The following PID1 variants were observed in gnomAD, a reference collection of about 807,000 sequenced individuals.
PID1 encodes the protein phosphotyrosine interaction domain containing 1.
Under a neutral mutation model 19.1 loss-of-function variants are expected in PID1, and 10 were observed. The observed-to-expected ratio is 0.52, with a 90% confidence interval of 0.32 to 0.89. The LOEUF is 0.89. Among genes scored for constraint, PID1 ranks in the 40% least tolerant of loss-of-function variants. PID1 has a pLI of 0.03. For synonymous variants in PID1, 130 were observed against 116.0 expected (o/e 1.12, Z -0.78); for missense variants, 248 against 285.3 (o/e 0.87, Z 0.94).
chr2:229,232,077 G>A lies in PID1; in HGVS notation c.30+38937C>T. ...CATGGCACGAAGCCTCTTGTACAAG[G>A]CTTTTCATTCCATTCAAGAGGGGAG... On this transcript the variant is annotated intron_variant, in intron 1 of 2. Transcript: ENST00000392055. 5 of 1,515,272 alleles carry A rather than the reference G, an allele frequency of 3.3e-6. No individual in the cohort carries two copies. The South Asian group carries it at 6.4e-5, about 19-fold the overall frequency. 93.9% of individuals were successfully genotyped at this position (1,515,272 alleles called of 1,614,324 possible). A position where few individuals can be genotyped will look rare whatever the true frequency, so the allele number is the denominator to read the frequency against.
chr2:229,026,145 G>A, intron 2 of PID1, 37 bp from the exon 3 acceptor site: 3 of 1,422,170 alleles, frequency 2.1e-6, no homozygotes, highest in Non-Finnish European at 3.0e-6. Context: ...GGAGGCATCA[G>A]CAGAAGGCTC....
chr2:229,174,508 G>C (rs956929004), intron 1 of PID1, among the ~76,000 whole-genome samples: 1 of 152,160 alleles, frequency 6.6e-6, no homozygotes, highest in Non-Finnish European at 1.5e-5. Flanking sequence ...GAGGACTACA[G>C]ATCTGGGCTT....
rs1166174666 is a variant in PID1 at position 229,039,800 on chromosome 2, GGAATGCAAC to G, written c.178-13701_178-13693del. Among the ~76,000 whole-genome samples, 4 of 152,130 alleles carry G rather than the reference GGAATGCAAC, an allele frequency of 2.6e-5. No homozygotes were observed. In the East Asian group the frequency reaches 7.7e-4, roughly 29 times the overall value. ...AACAGACACTCATATATTGATGGTT[GGAATGCAAC>G]TTAGTACAACCCTTTTGGAAGGGAA... On this transcript the variant is annotated intron_variant, in intron 2 of 2. Coordinates refer to ENST00000392055, the MANE Select transcript of PID1 (RefSeq NM_001100818.2).
At chr2:229,079,387 T>C (rs1256153724) in intron 2 of PID1, among the ~76,000 whole-genome samples, 2 of 152,260 alleles carry the variant, frequency 1.3e-5, no homozygotes, top group Admixed American at 6.5e-5. Context: ...AAAAATAACA[T>C]ATCTATTGAA....
intron 1 of PID1, among the ~76,000 whole-genome samples, chr2:229,237,217 C>A (rs1297984320): frequency 6.6e-6 from 1 of 152,154 alleles, no homozygotes; most frequent in Admixed American, 6.6e-5. Flanking sequence ...AAACTTTATT[C>A]TTTCTGTGAA....
intron 2 of PID1, among the ~76,000 whole-genome samples, chr2:229,068,327 T>A (rs1407836550): frequency 1.3e-5 from 2 of 152,140 alleles, no homozygotes; most frequent in African/African-American, 4.8e-5. Flanking sequence ...AATGCTTGGC[T>A]CATGAGGTTT....
chr2:229,231,626 A>G (rs1692211249), intron 1 of PID1, among the ~76,000 whole-genome samples: 1 of 152,144 alleles, frequency 6.6e-6, no homozygotes, highest in Non-Finnish European at 1.5e-5. Context: ...AGCAGACTCA[A>G]GGCTAAAACC....
At chr2:229,059,227 GTAC>G (rs1461753691) in intron 2 of PID1, among the ~76,000 whole-genome samples, 2 of 152,102 alleles carry the variant, frequency 1.3e-5, no homozygotes, top group Non-Finnish European at 2.9e-5. Context: ...AGTTAAAGTT[GTAC>G]TATACATTTT....
chr2:229,262,536 A>T, intron 1 of PID1: 1 of 1,225,576 alleles, frequency 8.2e-7, no homozygotes, highest in Non-Finnish European at 1.1e-6. Context: ...AGTATGTGAA[A>T]GTTGGGGATA....
intron 2 of PID1, among the ~76,000 whole-genome samples, chr2:229,094,383 T>C (rs1280133034): frequency 2.6e-5 from 4 of 152,060 alleles, no homozygotes; most frequent in Non-Finnish European, 5.9e-5. Context: ...GCAATCTACA[T>C]ATTCAATGCA....
At position 229,194,786 on chromosome 2, in the gene PID1, T is replaced by C. The variant is rs1428499984; in HGVS notation, c.31-38822A>G. Among the ~76,000 whole-genome samples the C allele has an allele frequency of 2.6e-5, 4 of 152,116 alleles. No homozygotes were observed. The East Asian group carries it at 5.8e-4, about 22-fold the overall frequency. ...TAATAGAGGATAGAATACTGCCTGA[T>C]AGGATATTTTAGAATAAAACAATTA... is the stretch of plus-strand genomic sequence containing the variant. On this transcript the variant is annotated intron_variant, in intron 1 of 2. Coordinates refer to ENST00000392055, the MANE Select transcript of PID1 (RefSeq NM_001100818.2).
chr2:229,124,164 G>A (rs951193132), intron 2 of PID1, among the ~76,000 whole-genome samples: 4 of 152,144 alleles, frequency 2.6e-5, no homozygotes, highest in Non-Finnish European at 5.9e-5. Flanking sequence ...GCATCATGCT[G>A]AGTTAATTTT....
chr2:229,157,204 G>A (rs990481592), intron 1 of PID1, among the ~76,000 whole-genome samples: 1 of 152,088 alleles, frequency 6.6e-6, no homozygotes, highest in Non-Finnish European at 1.5e-5. Flanking sequence ...CCAAGGAAAG[G>A]GGATCACGTG....
chr2:229,028,118 C>T (rs1433774730), intron 2 of PID1, among the ~76,000 whole-genome samples: 2 of 152,162 alleles, frequency 1.3e-5, no homozygotes, highest in African/African-American at 4.8e-5. Flanking sequence ...CAAAAACTAA[C>T]AATACAGGGT....
chr2:229,133,525 A>G (rs17676129), intron 2 of PID1, among the ~76,000 whole-genome samples: 16,189 of 152,268 alleles, frequency 0.11, 1,008 homozygotes, highest in East Asian at 0.28. Flanking sequence ...ACCCAGATGA[A>G]AACTATGTGA....
chr2:229,155,676 C>A, intron 2 of PID1, 142 bp downstream of exon 2: 1 of 719,238 alleles, frequency 1.4e-6, no homozygotes, highest in Non-Finnish European at 2.2e-6. Context: ...TTCAGTCTAC[C>A]ATCACTCTGT....
intron 2 of PID1, among the ~76,000 whole-genome samples, chr2:229,073,826 G>A (rs1694506405): frequency 6.6e-6 from 1 of 152,172 alleles, no homozygotes; most frequent in African/African-American, 2.4e-5. Flanking sequence ...TTTGGCTACT[G>A]GGAATAAACC....
intron 1 of PID1, among the ~76,000 whole-genome samples, chr2:229,178,280 A>C (rs769163491): frequency 6.6e-6 from 1 of 152,102 alleles, no homozygotes; most frequent in Admixed American, 6.5e-5. Flanking sequence ...AACAGAACCA[A>C]AACTTCCCAG....
intron 2 of PID1, among the ~76,000 whole-genome samples, chr2:229,106,813 G>T (rs1333380270): frequency 6.6e-6 from 1 of 152,124 alleles, no homozygotes; most frequent in Non-Finnish European, 1.5e-5. Flanking sequence ...TGATATTCTG[G>T]ATCCATTATG....
Sources: allele counts gnomAD v4.1 joint callset (sites outside exome capture counted in the v4.1 genomes callset), GRCh38; gene constraint gnomAD v4.1.1; transcripts MANE v1.5; gene names NCBI Gene and HGNC (gene_info 2026-07-23, HGNC 2026-07-21).